The following PIWIL1 variants were observed in gnomAD, a reference collection of about 807,000 sequenced individuals.
The protein encoded by PIWIL1 is piwi like RNA-mediated gene silencing 1.
In PIWIL1, 73 loss-of-function variants were observed where a neutral mutation model predicts 114.4. That is an observed-to-expected ratio of 0.64 (90% CI 0.53 to 0.78). PIWIL1 has a LOEUF of 0.78. PIWIL1 is among the 30% of genes least tolerant of loss of function. The pLI is 0.00. For missense variants in PIWIL1, 723 were observed against 1,063.1 expected (o/e 0.68, Z 4.45); for synonymous variants, 375 against 369.0 (o/e 1.02, Z -0.19).
downstream of PIWIL1, among the ~76,000 whole-genome samples, chr12:130,372,936 C>T (rs192511742): frequency 6.6e-6 from 1 of 152,308 alleles, no homozygotes. Context: ...AATGACAATA[C>T]ACAAGTCCCT....
At chr12:130,422,550 G>A in the PIWIL1 span, 1 of 1,607,282 alleles carries the variant, frequency 6.2e-7, no homozygotes, top group South Asian at 1.1e-5. This position sits in a 1 kb window ranked among gnomAD's most constrained non-coding sequence, Gnocchi z 5.2. Context: ...CAGAGGCTGG[G>A]TTCCCTAAAA....
At chr12:130,404,626 G>C in the PIWIL1 span, among the ~76,000 whole-genome samples, 8 of 152,318 alleles carry the variant, frequency 5.3e-5, no homozygotes, top group East Asian at 1.2e-3. Context: ...ATATATAAAG[G>C]ATGCGTAAGA....
chr12:130,354,753 C>T (rs2073318050), intron 10 of PIWIL1, 90 bp downstream of exon 10: 1 of 1,490,916 alleles, frequency 6.7e-7, no homozygotes, highest in Admixed American at 2.2e-5. Context: ...ACTTCCCCTT[C>T]CCTCCCCCCA....
intron 9 of PIWIL1, among the ~76,000 whole-genome samples, chr12:130,353,303 C>T (rs765614534): frequency 3.3e-4 from 35 of 105,536 alleles, no homozygotes; most frequent in Non-Finnish European, 5.7e-4. Flanking sequence ...CTGGTGTGCT[C>T]AGTGGAGGTG....
chr12:130,407,645 A>G, the PIWIL1 span: 3 of 1,066,162 alleles, frequency 2.8e-6, no homozygotes, highest in Non-Finnish European at 1.5e-6. Context: ...AGGTGAACAC[A>G]CGTGGCCTCA....
At chr12:130,382,829 A>G in the PIWIL1 span, among the ~76,000 whole-genome samples, 2 of 152,188 alleles carry the variant, frequency 1.3e-5, no homozygotes, top group African/African-American at 4.8e-5. Context: ...ACATAGTTTC[A>G]GTCAAATAAT....
At chr12:130,412,356 A>C in the PIWIL1 span, among the ~76,000 whole-genome samples, 2 of 152,198 alleles carry the variant, frequency 1.3e-5, no homozygotes, top group Non-Finnish European at 2.9e-5. Flanking sequence ...TTTGCAAGCA[A>C]GACGGTACTT....
At chr12:130,340,455 A>G (rs1451076692) in intron 1 of PIWIL1, among the ~76,000 whole-genome samples, 3 of 151,968 alleles carry the variant, frequency 2.0e-5, no homozygotes, top group Non-Finnish European at 4.4e-5. Flanking sequence ...CAGGCAGCCC[A>G]GACCCTTGGC....
chr12:130,346,512 C>G lies in PIWIL1; in HGVS notation c.459C>G (p.His153Gln), dbSNP rs766051497. The part of the protein sequence containing the change: ...RRLRSALLFQ[H>Q]EDLIGKCHAF... ...TCCGTTCAGCTCTTCTTTTTCAACA[C>G]GAAGATCTAATTGGAAAGTGTCATG... Residue 153 changes from histidine to glutamine, a missense_variant, in exon 5 of 21, where the codon CAC becomes CAG. By Grantham distance (24) the His-to-Gln change is conservative. This residue lies in a region of PIWIL1 where 190 missense variants were observed against 294.4 expected (regional missense o/e 0.65). Coordinates refer to ENST00000245255, the MANE Select transcript of PIWIL1 (RefSeq NM_004764.5). The G allele has an allele frequency of 6.2e-7, 1 of 1,613,974 alleles. No individual in the cohort carries two copies. The highest frequency in any genetic ancestry group is 2.2e-5 in the East Asian group (1 of 44,882).
the PIWIL1 span, among the ~76,000 whole-genome samples, chr12:130,423,676 A>G: frequency 1.8e-5 from 2 of 113,898 alleles, no homozygotes; most frequent in South Asian, 2.8e-4. Flanking sequence ...AAAAAAAAAA[A>G]TAGATTTCTT....
At chr12:130,370,215 G>T in intron 19 of PIWIL1, among the ~76,000 whole-genome samples, 1 of 148,748 alleles carries the variant, frequency 6.7e-6, no homozygotes, top group African/African-American at 2.5e-5. Flanking sequence ...AATATCTCTG[G>T]ATTGATATTT....
At chr12:130,346,103 C>T (rs2136134333) in intron 4 of PIWIL1, among the ~76,000 whole-genome samples, 1 of 152,188 alleles carries the variant, frequency 6.6e-6, no homozygotes, top group African/African-American at 2.4e-5. Context: ...AAACTCTTTG[C>T]CATGAAGAGA....
chr12:130,421,723 G>T, the PIWIL1 span, among the ~76,000 whole-genome samples: 1 of 148,070 alleles, frequency 6.8e-6, no homozygotes, highest in Non-Finnish European at 1.5e-5. Context: ...GTGTGTGTGT[G>T]TTTTCATAGA....
the PIWIL1 span, among the ~76,000 whole-genome samples, chr12:130,377,733 T>C: frequency 6.6e-6 from 1 of 152,196 alleles, no homozygotes; most frequent in African/African-American, 2.4e-5. Context: ...AGCCCTTTGG[T>C]GTGGCCCTGT....
chr12:130,363,710 C>T (rs2073580272), intron 18 of PIWIL1, among the ~76,000 whole-genome samples: 1 of 148,882 alleles, frequency 6.7e-6, no homozygotes, highest in Admixed American at 6.7e-5. Flanking sequence ...CTCCGCCTCC[C>T]AGGTTCAAGT....
Position 130,337,959 on chromosome 12 carries a change from C to G in PIWIL1, c.-200C>G, listed in dbSNP as rs1394354811. 6.2e-6 allele frequency: 1 copy of G among 161,394 alleles called. No homozygotes were observed. Among genetic ancestry groups the G allele is most frequent in the East Asian group, 1.9e-4 (1 of 5,202 alleles). The allele number at this position is 161,394 out of a possible 1,614,324, so 10.0% of individuals were successfully genotyped here. A position where few individuals can be genotyped will look rare whatever the true frequency, so the allele number is the denominator to read the frequency against. ...GGTGTTCATCCGCCCGGGAAAAGAG[C>G]GCCTGTTGCTCGCTGCCCGCGTGTC... On this transcript the variant is annotated 5_prime_UTR_variant, in exon 1 of 21. Transcript: ENST00000245255.
the PIWIL1 span, chr12:130,398,827 C>CAGTT: frequency 2.0e-3 from 382 of 187,240 alleles, no homozygotes; most frequent in Middle Eastern, 4.1e-3. Context: ...TGTAAACACA[C>CAGTT]AGTTAGCTTG....
At chr12:130,375,685 A>AT (rs34110866), downstream of PIWIL1, among the ~76,000 whole-genome samples, 4,149 of 148,898 alleles carry the variant, frequency 0.028, 68 homozygotes, top group Middle Eastern at 0.048. Context: ...AACTGGTGTC[A>AT]TTTTTTTTTT....
At chr12:130,342,705 CTT>C (rs758285809) in intron 2 of PIWIL1, 36 bp downstream of exon 2, 14 of 1,484,694 alleles carry the variant, frequency 9.4e-6, no homozygotes, top group Middle Eastern at 1.7e-4. Context: ...CAGAAAATGT[CTT>C]TGACTCTTGA....
Sources: gnomAD v4.1 joint callset for allele counts (sites outside exome capture counted in the v4.1 genomes callset) on GRCh38, gnomAD v4.1.1 for gene constraint, gnomAD v4.1.1 regional missense constraint, Gnocchi (gnomAD v3.1) non-coding constraint, MANE v1.5 for transcripts, NCBI Gene and HGNC (gene_info 2026-07-23, HGNC 2026-07-21) for gene names.